Variants in SMAP2 observed in about 807,000 individuals in gnomAD.
SMAP2 encodes stromal membrane-associated protein 2.
A neutral mutation model predicts 56.4 loss-of-function variants in SMAP2; 25 were observed. The observed-to-expected ratio is 0.44, with a 90% CI of 0.32 to 0.62. The LOEUF (loss-of-function observed/expected upper bound fraction) is 0.62, where lower values mean the gene tolerates loss of function less well. SMAP2 is among the 20% of genes least tolerant of loss of function. SMAP2 has a pLI of 0.04. For missense variants in SMAP2, 388 were observed against 545.6 expected (o/e 0.71, Z 2.88); for synonymous variants, 157 against 181.7 (o/e 0.86, Z 1.09).
chr1:40,359,393 G>A (rs918030044), intron 1 of SMAP2, among the ~76,000 whole-genome samples: 14 of 152,232 alleles, frequency 9.2e-5, no homozygotes, highest in South Asian at 2.1e-4. Context: ...ATGAGCCACC[G>A]CACCCCTATT....
intron 1 of SMAP2, among the ~76,000 whole-genome samples, chr1:40,356,567 T>A (rs535370958): frequency 1.3e-5 from 2 of 152,058 alleles, no homozygotes; most frequent in African/African-American, 4.8e-5. Context: ...CCTGCCACCA[T>A]GCCCAGCTAA....
At chr1:40,395,299 C>T (rs1195854893) in intron 1 of SMAP2, among the ~76,000 whole-genome samples, 1 of 152,094 alleles carries the variant, frequency 6.6e-6, no homozygotes, top group Non-Finnish European at 1.5e-5. Flanking sequence ...GTTCTTTATT[C>T]CCAGAAACAT....
intron 1 of SMAP2, among the ~76,000 whole-genome samples, chr1:40,380,722 G>T (rs1644590133): frequency 6.6e-6 from 1 of 152,032 alleles, no homozygotes; most frequent in Non-Finnish European, 1.5e-5. Context: ...GTAGAGAGGG[G>T]TTTCATCATG....
At position 40,409,781 on chromosome 1, in the gene SMAP2, C is replaced by T. The variant is rs1644917606; in HGVS notation, c.348C>T (p.Asp116=). ...GAGCTGTTGAAGGATTTATTCGAGA[C>T]AAATATGAGAAGAAGAAATACATGG... The part of the protein sequence containing the change: ...IDPAVEGFIR[D]KYEKKKYMDR... The change falls in exon 4 of 10, where the codon GAC becomes GAT. Residue 116 remains aspartate (D), a synonymous_variant. Coordinates refer to ENST00000372718, the MANE Select transcript of SMAP2 (RefSeq NM_022733.3). 6.2e-7 allele frequency: 1 copy of T among 1,613,160 alleles called. No homozygotes were observed.
chr1:40,414,803 C>T (rs1644971365), intron 6 of SMAP2, among the ~76,000 whole-genome samples: 2 of 152,170 alleles, frequency 1.3e-5, no homozygotes, highest in African/African-American at 4.8e-5. Context: ...CCTTTGAAAT[C>T]CTGAACTAGT....
intron 1 of SMAP2, among the ~76,000 whole-genome samples, chr1:40,352,314 A>C (rs1166196920): frequency 2.6e-5 from 4 of 152,020 alleles, no homozygotes; most frequent in African/African-American, 9.7e-5. Context: ...CCCTCTGTCC[A>C]GCTTCTCCTA....
chr1:40,372,187 A>G (rs557342845), upstream of SMAP2, among the ~76,000 whole-genome samples: 4 of 152,328 alleles, frequency 2.6e-5, no homozygotes, highest in South Asian at 2.1e-4. Flanking sequence ...AGACTAAGGC[A>G]GGAAGGCTAT....
chr1:40,408,334 C>T lies in SMAP2; in HGVS notation c.238-319C>T, dbSNP rs2124344911. On this transcript the variant is annotated intron_variant, in intron 2 of 9. Transcript: ENST00000372718. The surrounding 1 kb of genome is among the most constrained non-coding windows in gnomAD (Gnocchi z 4.3). ...CACTGATCATTGCCTGCCAAGTAGA[C>T]ATTTTAATTGGTAGCTGTGTATCTA... Among the ~76,000 whole-genome samples the T allele has an allele frequency of 6.6e-6, 1 of 152,304 alleles. No individual in the cohort carries two copies. The highest frequency in any genetic ancestry group is 2.1e-4 in the South Asian group (1 of 4,830).
intron 1 of SMAP2, among the ~76,000 whole-genome samples, chr1:40,390,826 C>A (rs999367243): frequency 2.6e-5 from 4 of 152,164 alleles, no homozygotes; most frequent in African/African-American, 4.8e-5. Context: ...TAGACTAGAT[C>A]ATTCCTAAGG....
At position 40,391,691 on chromosome 1, in the gene SMAP2, T is replaced by C. The variant is rs72950010; in HGVS notation, c.104-15045T>C. 2.5e-3 allele frequency among the ~76,000 whole-genome samples: 375 copies of C among 152,346 alleles called. 1 individual carries two copies. The highest frequency in any genetic ancestry group is 8.0e-3 in the African/African-American group (334 of 41,570). On this transcript the variant is annotated intron_variant, in intron 1 of 9. Transcript: ENST00000372718. ...GGATGGAGGATGAAGAGCAATCTCA[T>C]TGGACAATGACCATATCACCCTTTT... is the stretch of plus-strand genomic sequence containing the variant.
chr1:40,348,591 C>G (rs553441950), intron 1 of SMAP2, among the ~76,000 whole-genome samples: 1 of 151,826 alleles, frequency 6.6e-6, no homozygotes, highest in Non-Finnish European at 1.5e-5. Flanking sequence ...TCAAGAGAAT[C>G]GCTTGAACCC....
intron 1 of SMAP2, among the ~76,000 whole-genome samples, chr1:40,354,180 A>G (rs1181012338): frequency 3.3e-5 from 5 of 151,944 alleles, no homozygotes; most frequent in African/African-American, 9.7e-5. Flanking sequence ...AGAGAGCTGG[A>G]CTCTGTAGGA....
intron 1 of SMAP2, among the ~76,000 whole-genome samples, chr1:40,347,022 C>CTATCTATTTATTTATT (rs1644388990): frequency 2.8e-5 from 4 of 143,358 alleles, no homozygotes; most frequent in African/African-American, 1.0e-4. Flanking sequence ...GCTTAAAAAT[C>CTATCTATTTATTTATT]TATTTATTTA....
At chr1:40,416,691 T>A in intron 8 of SMAP2, 89 bp from the exon 9 acceptor site, 2 of 1,327,612 alleles carry the variant, frequency 1.5e-6, no homozygotes, top group Non-Finnish European at 2.1e-6. Context: ...CCTGAGAAAT[T>A]CCAGCTGGAA....
intron 1 of SMAP2, among the ~76,000 whole-genome samples, chr1:40,387,361 A>AT (rs1644667117): frequency 6.6e-6 from 1 of 152,202 alleles, no homozygotes; most frequent in Non-Finnish European, 1.5e-5. Context: ...AACAATACAA[A>AT]TAAGGAAGTA....
chr1:40,377,891 T>A (rs1197464233), intron 1 of SMAP2, among the ~76,000 whole-genome samples: 1 of 152,208 alleles, frequency 6.6e-6, no homozygotes, highest in Non-Finnish European at 1.5e-5. Context: ...TCTGGGGTAC[T>A]AAAATCCACA....
Position 40,413,806 on chromosome 1 carries a change from G to T in SMAP2, c.490-353G>T, listed in dbSNP as rs959697692. 3.9e-5 allele frequency among the ~76,000 whole-genome samples: 6 copies of T among 152,130 alleles called. No homozygotes were observed. In the South Asian group the frequency reaches 1.2e-3, roughly 32 times the overall value. Reference sequence around the variant, plus strand: ...ACCACTGGGAGATTTGTTGGCTCTTGGCTCTTGTACCATCAGATACCTACC... The same window carrying T: ...ACCACTGGGAGATTTGTTGGCTCTTTGCTCTTGTACCATCAGATACCTACC... On this transcript the variant is annotated intron_variant, in intron 5 of 9. Coordinates refer to ENST00000372718, the MANE Select transcript of SMAP2 (RefSeq NM_022733.3).
chr1:40,398,565 A>G (rs1475743172), intron 1 of SMAP2, among the ~76,000 whole-genome samples: 2 of 152,206 alleles, frequency 1.3e-5, no homozygotes, highest in Admixed American at 6.5e-5. Context: ...TAATGTTTCT[A>G]ATTTTCATAA....
At chr1:40,411,704 CTTTGTTA>C (rs1644937348) in intron 4 of SMAP2, among the ~76,000 whole-genome samples, 1 of 152,046 alleles carries the variant, frequency 6.6e-6, no homozygotes, top group African/African-American at 2.4e-5. Flanking sequence ...AAGAAACTGG[CTTTGTTA>C]AAAACTATTC....
Sources: allele counts gnomAD v4.1 joint callset (sites outside exome capture counted in the v4.1 genomes callset), GRCh38; gene constraint gnomAD v4.1.1; non-coding constraint Gnocchi (gnomAD v3.1); transcripts MANE v1.5; gene names NCBI Gene and HGNC (gene_info 2026-07-23, HGNC 2026-07-21).